The following SPRED1 variants were observed in gnomAD, a reference collection of about 807,000 sequenced individuals.
SPRED1 encodes sprouty-related, EVH1 domain-containing protein 1.
A neutral mutation model predicts 52.3 loss-of-function variants in SPRED1; 18 were observed. That is an observed-to-expected ratio of 0.34 (90% CI 0.24 to 0.51). The LOEUF is 0.51. Ranked by LOEUF, SPRED1 falls within the 20% of genes least tolerant of loss-of-function variation. The pLI is 0.97. For missense variants in SPRED1, 485 were observed against 551.0 expected, an observed-to-expected ratio of 0.88 and a Z score of 1.20; for synonymous variants, 155 against 179.7, an observed-to-expected ratio of 0.86 and a Z score of 1.10.
At chr15:38,256,810 TAC>T (rs568621537) in intron 1 of SPRED1, among the ~76,000 whole-genome samples, 9 of 144,756 alleles carry the variant, frequency 6.2e-5, no homozygotes, top group Non-Finnish European at 1.2e-4. Flanking sequence ...TATATGTATG[TAC>T]ACACACACAC....
At chr15:38,334,765 A>G (rs1297965189) in intron 4 of SPRED1, among the ~76,000 whole-genome samples, 1 of 151,812 alleles carries the variant, frequency 6.6e-6, no homozygotes, top group Non-Finnish European at 1.5e-5. Flanking sequence ...GTTTTCTTTG[A>G]TATTTTGATT....
rs1010624336 is a variant in SPRED1 at position 38,355,830 on chromosome 15, C to T, written c.*4166C>T. The T allele has an allele frequency of 1.3e-5, 2 of 151,994 alleles. No homozygotes were observed. Among genetic ancestry groups the T allele is most frequent in the Non-Finnish European group, 2.9e-5 (2 of 67,986 alleles). The allele number at this position is 151,994 out of a possible 1,614,324, so 9.4% of individuals were successfully genotyped here. ...TGTTGCACTAAAAAAGTCTATAAAT[C>T]ATAATAGCACCATGAGGTGTTTTGC... On this transcript the variant is annotated 3_prime_UTR_variant, in exon 7 of 7. Coordinates refer to ENST00000299084, the MANE Select transcript of SPRED1 (RefSeq NM_152594.3).
intron 2 of SPRED1, among the ~76,000 whole-genome samples, chr15:38,309,537 T>C (rs1401863163): frequency 6.6e-6 from 1 of 152,226 alleles, no homozygotes; most frequent in Non-Finnish European, 1.5e-5. Flanking sequence ...TCTCCCAGTC[T>C]GTAGCTTGTC....
At chr15:38,310,298 G>A (rs750490209) in intron 2 of SPRED1, among the ~76,000 whole-genome samples, 6 of 152,042 alleles carry the variant, frequency 3.9e-5, no homozygotes, top group Non-Finnish European at 5.9e-5. Context: ...CTGCCACCAC[G>A]CTCGCTAATT....
chr15:38,336,842 G>A (rs551133218), intron 4 of SPRED1, among the ~76,000 whole-genome samples: 1 of 152,190 alleles, frequency 6.6e-6, no homozygotes, highest in Admixed American at 6.5e-5. Context: ...AGTGTACACT[G>A]TTTGGGTGAT....
At chr15:38,340,531 A>AT (rs1006898861) in intron 5 of SPRED1, among the ~76,000 whole-genome samples, 3 of 151,140 alleles carry the variant, frequency 2.0e-5, no homozygotes, top group Non-Finnish European at 3.0e-5. Context: ...CTTTCTTATA[A>AT]TTTTTTTTTC....
chr15:38,305,160 C>G (rs1319240589), intron 2 of SPRED1, among the ~76,000 whole-genome samples: 1 of 151,768 alleles, frequency 6.6e-6, no homozygotes, highest in Non-Finnish European at 1.5e-5. Context: ...GAAACCCCAC[C>G]TCTACTAAAA....
chr15:38,315,851 C>T (rs545439702), intron 2 of SPRED1, among the ~76,000 whole-genome samples: 2 of 151,924 alleles, frequency 1.3e-5, no homozygotes, highest in Non-Finnish European at 2.9e-5. Flanking sequence ...CCAACATCAC[C>T]ATCACTACTA....
In SPRED1 at chr15:38,350,899, A is replaced by T. The variant is rs1595763377; in HGVS notation, c.685-115A>T. ...GTTGATCTCATCCCAAAAACATATC[A>T]TAGAAATGTCCAGAATAATATTTCA... On this transcript the variant is annotated intron_variant, in intron 6 of 6. Transcript: ENST00000299084. The T allele has an allele frequency of 4.6e-6, 5 of 1,097,050 alleles. No individual in the cohort carries two copies. In the Admixed American group the frequency reaches 1.0e-4, roughly 22 times the overall value. 68.0% of individuals were successfully genotyped at this position (1,097,050 alleles called of 1,614,324 possible). A position where few individuals can be genotyped will look rare whatever the true frequency, so the allele number is the denominator to read the frequency against.
intron 2 of SPRED1, among the ~76,000 whole-genome samples, chr15:38,313,494 A>T (rs1207097883): frequency 1.3e-5 from 2 of 151,910 alleles, no homozygotes; most frequent in African/African-American, 2.4e-5. Flanking sequence ...GTTGTACTCA[A>T]TGGGTGAAAT....
chr15:38,288,953 A>C (rs1431655576), intron 1 of SPRED1, among the ~76,000 whole-genome samples: 1 of 152,322 alleles, frequency 6.6e-6, no homozygotes, highest in Non-Finnish European at 1.5e-5. Flanking sequence ...TTCAAAATTA[A>C]GATTAGTTTT....
chr15:38,297,456 C>T (rs1895062956), intron 1 of SPRED1, among the ~76,000 whole-genome samples: 1 of 152,192 alleles, frequency 6.6e-6, no homozygotes, highest in Admixed American at 6.5e-5. Context: ...TTAATATCTA[C>T]ATCAACCCAA....
chr15:38,310,153 G>GTGTGTGTGTGTGTGTGTT (rs373463622), intron 2 of SPRED1, among the ~76,000 whole-genome samples: 22,376 of 131,892 alleles, frequency 0.17, 2,454 homozygotes, highest in Middle Eastern at 0.27. Context: ...GTGTGTGTGT[G>GTGTGTGTGTGTGTGTGTT]TTTGGAGACG....
chr15:38,267,439 C>T (rs1290550532), intron 1 of SPRED1, among the ~76,000 whole-genome samples: 1 of 152,040 alleles, frequency 6.6e-6, no homozygotes, highest in Non-Finnish European at 1.5e-5. Context: ...TCAAAGAGTA[C>T]AAGTGGTTTT....
At chr15:38,298,698 C>G in intron 1 of SPRED1, 1 of 219,830 alleles carries the variant, frequency 4.5e-6, no homozygotes, top group East Asian at 1.7e-4. Context: ...GTTGATTATA[C>G]ATGTGTCTTA....
chr15:38,259,733 A>G (rs900004230), intron 1 of SPRED1, among the ~76,000 whole-genome samples: 2 of 152,200 alleles, frequency 1.3e-5, no homozygotes, highest in African/African-American at 2.4e-5. Context: ...GTAATGTAAC[A>G]CTAGGGGATA....
At chr15:38,269,477 G>C (rs1347657436) in intron 1 of SPRED1, among the ~76,000 whole-genome samples, 1 of 152,132 alleles carries the variant, frequency 6.6e-6, no homozygotes, top group Non-Finnish European at 1.5e-5. Context: ...CAACTCCTGA[G>C]CTCAAGTGGT....
intron 4 of SPRED1, among the ~76,000 whole-genome samples, chr15:38,330,032 A>C (rs1478268530): frequency 6.6e-6 from 1 of 152,190 alleles, no homozygotes; most frequent in African/African-American, 2.4e-5. Flanking sequence ...AAATCCTAGA[A>C]ATATACTTAT....
chr15:38,342,623 A>G (rs1334111984), intron 5 of SPRED1, among the ~76,000 whole-genome samples: 1 of 152,010 alleles, frequency 6.6e-6, no homozygotes, highest in African/African-American at 2.4e-5. Flanking sequence ...CTTTTCATTG[A>G]ATTCTGTTAT....
Sources: allele counts gnomAD v4.1 joint callset (sites outside exome capture counted in the v4.1 genomes callset), GRCh38; gene constraint gnomAD v4.1.1; transcripts MANE v1.5; gene names NCBI Gene and HGNC (gene_info 2026-07-23, HGNC 2026-07-21).